The following DLGAP1 variants were observed in gnomAD, a reference collection of about 807,000 sequenced individuals.
DLGAP1 encodes disks large-associated protein 1.
DLGAP1 carries 11 observed loss-of-function variants against 90.8 expected under a neutral mutation model. That is an observed-to-expected ratio of 0.12 (90% CI 0.08 to 0.20). The LOEUF is 0.20. DLGAP1 is among the 10% of genes least tolerant of loss of function. DLGAP1 has a pLI of 1.00. For synonymous variants in DLGAP1, 558 were observed against 540.7 expected (o/e 1.03, Z -0.44); for missense variants, 1,050 against 1,333.8 (o/e 0.79, Z 3.31).
At position 4,344,334 on chromosome 18, in the gene DLGAP1, G is replaced by A. The variant is rs562072693; in HGVS notation, c.-267+110672C>T. Among the ~76,000 whole-genome samples the A allele has an allele frequency of 5.9e-5, 9 of 152,170 alleles. No homozygotes were observed. The South Asian group carries it at 1.5e-3, about 25-fold the overall frequency. ...AAAGTTAGGTAATTTGACCAATATC[G>A]CGATGCTAGAAAGTGGCAGATTTGA... On this transcript the variant is annotated intron_variant, in intron 1 of 12. Transcript: ENST00000315677.
chr18:4,340,855 C>T (rs2081173590), intron 1 of DLGAP1, among the ~76,000 whole-genome samples: 1 of 151,974 alleles, frequency 6.6e-6, no homozygotes, highest in Non-Finnish European at 1.5e-5. Flanking sequence ...TTTGGACACA[C>T]CTAAGCAGCT....
At chr18:4,387,970 C>G (rs2144391455) in intron 1 of DLGAP1, among the ~76,000 whole-genome samples, 2 of 149,678 alleles carry the variant, frequency 1.3e-5, no homozygotes, top group Non-Finnish European at 3.0e-5. Context: ...CACACACACA[C>G]ACACTCAAAA....
At chr18:4,002,427 C>T (rs2074211397) in intron 3 of DLGAP1, among the ~76,000 whole-genome samples, 1 of 152,166 alleles carries the variant, frequency 6.6e-6, no homozygotes, top group African/African-American at 2.4e-5. Context: ...CAAGACCAGA[C>T]CCATCTCTTC....
chr18:4,349,218 C>T (rs900433906), intron 1 of DLGAP1, among the ~76,000 whole-genome samples: 5 of 152,012 alleles, frequency 3.3e-5, no homozygotes, highest in African/African-American at 4.8e-5. Context: ...CTGCAGTATT[C>T]GTGCAAAAAT....
intron 9 of DLGAP1, among the ~76,000 whole-genome samples, chr18:3,535,892 G>A (rs1221759743): frequency 6.6e-6 from 1 of 151,808 alleles, no homozygotes; most frequent in African/African-American, 2.4e-5. Context: ...AAAATTAGCT[G>A]GGCGTGGTGG....
chr18:4,009,715 G>A (rs1167365631), intron 2 of DLGAP1, among the ~76,000 whole-genome samples: 1 of 152,198 alleles, frequency 6.6e-6, no homozygotes, highest in African/African-American at 2.4e-5. Flanking sequence ...CCATGAATGG[G>A]ATTCATGTTC....
In DLGAP1 at chr18:4,033,521, G is replaced by A. The variant is rs542764636; in HGVS notation, c.-158-28320C>T. 1.3e-4 allele frequency among the ~76,000 whole-genome samples: 20 copies of A among 152,070 alleles called. No homozygotes were observed. In the South Asian group the frequency reaches 4.2e-3, roughly 32 times the overall value. On this transcript the variant is annotated intron_variant, in intron 2 of 12. Transcript: ENST00000315677. ...CAGATACTCAGAAATAAAACTGTTGGATAATAAATTTAAAAATTCAAATAT... is the reference window on the plus strand; with the variant it reads ...CAGATACTCAGAAATAAAACTGTTGAATAATAAATTTAAAAATTCAAATAT...
chr18:3,920,452 AG>A (rs2072245241), intron 3 of DLGAP1, among the ~76,000 whole-genome samples: 3 of 151,204 alleles, frequency 2.0e-5, no homozygotes, highest in African/African-American at 7.3e-5. Context: ...ATTATAGTGG[AG>A]CATCTTCAGG....
chr18:4,434,179 ATT>A (rs35699657), intron 1 of DLGAP1, among the ~76,000 whole-genome samples: 3 of 151,730 alleles, frequency 2.0e-5, no homozygotes, highest in East Asian at 1.9e-4. Flanking sequence ...ATACAACAGC[ATT>A]TTTTTTTACT....
intron 10 of DLGAP1, among the ~76,000 whole-genome samples, chr18:3,522,677 G>A (rs1382200370): frequency 6.6e-6 from 1 of 150,454 alleles, no homozygotes; most frequent in Admixed American, 6.7e-5. Flanking sequence ...CAAGTAGCTG[G>A]GACTATAGGG....
intron 3 of DLGAP1, among the ~76,000 whole-genome samples, chr18:3,984,638 G>A (rs927031633): frequency 6.6e-6 from 1 of 151,944 alleles, no homozygotes; most frequent in African/African-American, 2.4e-5. Context: ...CCCTTTCCTT[G>A]CCATTCCTTC....
chr18:4,009,485 C>A (rs1255071508), intron 2 of DLGAP1, among the ~76,000 whole-genome samples: 1 of 152,142 alleles, frequency 6.6e-6, no homozygotes, highest in Non-Finnish European at 1.5e-5. Flanking sequence ...AGCAATATTG[C>A]TGAATGTGCC....
intron 9 of DLGAP1, among the ~76,000 whole-genome samples, chr18:3,535,086 G>C (rs903490102): frequency 4.6e-5 from 7 of 151,360 alleles, no homozygotes; most frequent in African/African-American, 1.5e-4. Flanking sequence ...GTGTGTGTGT[G>C]TGTGTGTGTG....
rs547130015 is a variant in DLGAP1 at position 4,172,914 on chromosome 18, A to G, written c.-266-21627T>C. Among the ~76,000 whole-genome samples the G allele has an allele frequency of 1.8e-3, 279 of 152,342 alleles. 1 individual carries two copies. The highest frequency in any genetic ancestry group is 5.6e-3 in the African/African-American group (234 of 41,586). ...CACTTTGATTACAATACTCAAGGCC[A>G]AGTGCTTTGAAGCTAAAACTTCCTA... On this transcript the variant is annotated intron_variant, in intron 1 of 12. Coordinates refer to ENST00000315677, the MANE Select transcript of DLGAP1 (RefSeq NM_004746.4).
chr18:3,898,739 A>C (rs12966920), intron 3 of DLGAP1, among the ~76,000 whole-genome samples: 1 of 152,218 alleles, frequency 6.6e-6, no homozygotes, highest in Non-Finnish European at 1.5e-5. Context: ...TAATAAGAAG[A>C]CACCAGAGAA....
intron 4 of DLGAP1, among the ~76,000 whole-genome samples, chr18:3,859,693 A>G (rs918856280): frequency 2.4e-4 from 36 of 152,110 alleles, no homozygotes; most frequent in African/African-American, 7.5e-4. Context: ...AAAAGGCAAG[A>G]AAAGGGTGTC....
intron 1 of DLGAP1, among the ~76,000 whole-genome samples, chr18:4,260,619 T>C (rs2078984793): frequency 6.6e-6 from 1 of 152,218 alleles, no homozygotes; most frequent in Admixed American, 6.5e-5. Flanking sequence ...GCTTTTATTA[T>C]TTAATACCCA....
intron 6 of DLGAP1, among the ~76,000 whole-genome samples, chr18:3,732,271 A>G (rs1260354761): frequency 6.6e-6 from 1 of 152,196 alleles, no homozygotes; most frequent in African/African-American, 2.4e-5. Context: ...GCTAGAGGCC[A>G]TGTGTTTATT....
intron 2 of DLGAP1, among the ~76,000 whole-genome samples, chr18:4,025,108 G>C (rs1209947262): frequency 1.3e-5 from 2 of 152,124 alleles, no homozygotes; most frequent in Non-Finnish European, 2.9e-5. Flanking sequence ...TTTAGCAGCG[G>C]AAAGACAAGT....
Sources: allele counts gnomAD v4.1 joint callset (sites outside exome capture counted in the v4.1 genomes callset), GRCh38; gene constraint gnomAD v4.1.1; transcripts MANE v1.5; gene names NCBI Gene and HGNC (gene_info 2026-07-23, HGNC 2026-07-21).